Variants in PARP4 observed in about 807,000 individuals in gnomAD.
PARP4 encodes poly(ADP-ribose) polymerase family member 4.
PARP4 carries 120 observed loss-of-function variants against 187.7 expected under a neutral mutation model. That is an observed-to-expected ratio of 0.64 (90% confidence interval 0.55 to 0.74). The LOEUF is 0.74. Ranked by LOEUF, PARP4 falls within the 30% of genes least tolerant of loss-of-function variation. The pLI, the probability that PARP4 is intolerant of heterozygous loss-of-function variation, is 0.00. For synonymous variants in PARP4, 654 were observed against 740.9 expected (o/e 0.88, Z 1.90); for missense variants, 1,836 against 2,070.5 (o/e 0.89, Z 2.20).
In PARP4 at chr13:24,468,823, G is replaced by A. The variant is rs182312801; in HGVS notation, c.2133+201C>T. On this transcript the variant is annotated intron_variant, in intron 17 of 33. Coordinates refer to ENST00000381989, the MANE Select transcript of PARP4 (RefSeq NM_006437.4). The stretch of plus-strand genomic sequence containing the variant: ...CAGGCCTAGCTCTTCTTGTTTGTCT[G>A]GAACTACTGATGCTGTTTCCTCCTT... Among the ~76,000 whole-genome samples the A allele has an allele frequency of 1.4e-4, 22 of 152,276 alleles. 1 individual carries two copies. The highest frequency in any genetic ancestry group is 1.2e-3 in the Admixed American group (19 of 15,286).
At position 24,478,113 on chromosome 13, in the gene PARP4, A is replaced by G. The variant is rs1248665514; in HGVS notation, c.1612T>C (p.Ser538Pro). 1.9e-6 allele frequency: 3 copies of G among 1,604,798 alleles called. No homozygotes were observed. Residue 538 changes from serine (S) to proline (P), a missense_variant, in exon 13 of 34, where the codon TCT becomes CCT. Ser to Pro is a moderately conservative substitution (Grantham distance 74). This residue lies in a region of PARP4 where 1,147 missense variants were observed against 1,214.2 expected (regional missense o/e 0.94). Coordinates refer to ENST00000381989, the MANE Select transcript of PARP4 (RefSeq NM_006437.4). The part of the protein sequence containing the change: ...DSVHGVSQTA[S>P]VTTDFEDDEF... The stretch of plus-strand genomic sequence containing the variant: ...AATACCTCAAAGTCTGTGGTGACAG[A>G]GGCTGTTTGCGAAACTCCATGCACA...
chr13:24,510,723 TAC>T (rs1593665715), intron 1 of PARP4, among the ~76,000 whole-genome samples: 1 of 144,026 alleles, frequency 6.9e-6, no homozygotes, highest in East Asian at 2.0e-4. Flanking sequence ...AAAATTGTGG[TAC>T]AGTTTTTAAA....
intron 29 of PARP4, among the ~76,000 whole-genome samples, chr13:24,442,276 T>A (rs1474392897): frequency 6.6e-6 from 1 of 152,078 alleles, no homozygotes; most frequent in African/African-American, 2.4e-5. Flanking sequence ...GGTCTTGGAT[T>A]AATAAAAGAC....
Position 24,441,864 on chromosome 13 carries a change from T to C in PARP4, c.3648A>G (p.Gln1216=), listed in dbSNP as rs761868507. Residue 1216 remains glutamine, a synonymous_variant, in exon 30 of 34, where the codon CAA becomes CAG. Transcript: ENST00000381989. Reference sequence around the variant, plus strand: ...CATTTACCTGGTTCCTGACGGCTTCTTGGGGCTCCCCCTGCCAGCTCATGT... The same window carrying C: ...CATTTACCTGGTTCCTGACGGCTTCCTGGGGCTCCCCCTGCCAGCTCATGT... ...LPYMSWQGEP[Q]EAVRNQSLLA... The C allele has an allele frequency of 5.0e-6, 8 of 1,599,318 alleles. No homozygotes were observed. Among genetic ancestry groups the C allele is most frequent in the East Asian group, 4.5e-5 (2 of 44,572 alleles).
intron 24 of PARP4, among the ~76,000 whole-genome samples, chr13:24,450,221 A>T (rs777022103): frequency 2.0e-5 from 3 of 152,110 alleles, no homozygotes; most frequent in Non-Finnish European, 4.4e-5. Context: ...AATAAAGTCT[A>T]CCTCTTGAAA....
chr13:24,481,826 T>C (rs1593635103), intron 12 of PARP4, among the ~76,000 whole-genome samples: 1 of 152,218 alleles, frequency 6.6e-6, no homozygotes, highest in African/African-American at 2.4e-5. Context: ...TGCATCTTAC[T>C]GTACTCTCAC....
Position 24,443,642 on chromosome 13 carries a change from G to A in PARP4, c.3447+8C>T. The A allele has an allele frequency of 6.3e-7, 1 of 1,580,398 alleles. No homozygotes were observed. Among genetic ancestry groups the A allele is most frequent in the Non-Finnish European group, 8.7e-7 (1 of 1,150,014 alleles). On this transcript the variant is annotated splice_region_variant and intron_variant, in intron 28 of 33. Transcript: ENST00000381989. ...TGTCTAATCATTTTTACAATGAAAA[G>A]AACAAACCTCATGACTGGTTTCATT... is the stretch of plus-strand genomic sequence containing the variant.
intron 13 of PARP4, 83 bp from the exon 14 acceptor site, chr13:24,477,940 T>C: frequency 1.7e-6 from 2 of 1,161,608 alleles, no homozygotes; most frequent in Non-Finnish European, 2.4e-6. Flanking sequence ...TAAAAGCATG[T>C]TTGCTAATTT....
chr13:24,463,745 GA>G (rs937693636), intron 17 of PARP4, among the ~76,000 whole-genome samples: 57 of 152,198 alleles, frequency 3.7e-4, no homozygotes, highest in African/African-American at 1.2e-3. Flanking sequence ...ACAAGACAAG[GA>G]TGCCCTCTCT....
intron 33 of PARP4, among the ~76,000 whole-genome samples, chr13:24,422,496 G>T (rs1869794817): frequency 1.3e-5 from 2 of 152,148 alleles, no homozygotes; most frequent in South Asian, 4.1e-4. Flanking sequence ...CCGCTAGCAA[G>T]AAAATCTTGT....
At chr13:24,475,687 C>A (rs936378801) in intron 14 of PARP4, 91 bp from the exon 15 acceptor site, 2 of 1,272,228 alleles carry the variant, frequency 1.6e-6, no homozygotes, top group Non-Finnish European at 2.2e-6. Context: ...AGCCTTCATG[C>A]ATTTTATTTT....
At chr13:24,501,610 A>C (rs1869286508) in intron 3 of PARP4, 23 bp downstream of exon 3, 1 of 1,551,490 alleles carries the variant, frequency 6.4e-7, no homozygotes, top group East Asian at 2.2e-5. Context: ...TGATACGTTA[A>C]ATGCTTGCTA....
intron 24 of PARP4, among the ~76,000 whole-genome samples, chr13:24,451,171 G>T (rs755481905): frequency 3.3e-5 from 5 of 152,210 alleles, no homozygotes; most frequent in Non-Finnish European, 5.9e-5. Context: ...CAGTACCTCT[G>T]CCCTGTGGTG....
rs748211325 is a variant in PARP4, at chr13:24,483,934, G to A, written c.1448+719C>T. Among the ~76,000 whole-genome samples, 9 of 152,088 alleles carry A rather than the reference G, an allele frequency of 5.9e-5. No individual in the cohort carries two copies. The East Asian group carries it at 1.2e-3, about 20-fold the overall frequency. ...GAGCTACTGCGCCTGGCCCCAGCTC[G>A]TCTTCTTTGCTATTAGGTTTCTATT... On this transcript the variant is annotated intron_variant, in intron 12 of 33. Coordinates refer to ENST00000381989, the MANE Select transcript of PARP4 (RefSeq NM_006437.4).
chr13:24,486,040 A>G, intron 11 of PARP4, 128 bp downstream of exon 11: 3 of 734,716 alleles, frequency 4.1e-6, no homozygotes, highest in Non-Finnish European at 6.7e-6. Flanking sequence ...TTTCTCCAGA[A>G]TGCAGTAAGC....
Position 24,510,256 on chromosome 13 carries a change from TA to T in PARP4, c.-2+2449del, listed in dbSNP as rs542258684. On this transcript the variant is annotated intron_variant, in intron 1 of 33. Transcript: ENST00000381989. ...CCAAGTCATCAGATACTTGGTTACT[TA>T]AAAGTGTTCACTATTGGCCGGGCGC... 5.0e-4 allele frequency among the ~76,000 whole-genome samples: 76 copies of T among 152,278 alleles called. 2 individuals carry two copies. Among genetic ancestry groups the T allele is most frequent in the African/African-American group, 1.7e-3 (70 of 41,562 alleles).
intron 12 of PARP4, among the ~76,000 whole-genome samples, chr13:24,479,426 G>A (rs114705125): frequency 0.011 from 1,629 of 152,196 alleles, 39 homozygotes; most frequent in African/African-American, 0.036. Flanking sequence ...TGGCAAAGGG[G>A]GCCCAGCTGG....
intron 32 of PARP4, among the ~76,000 whole-genome samples, chr13:24,427,287 A>G (rs1870106408): frequency 6.6e-6 from 1 of 152,204 alleles, no homozygotes; most frequent in African/African-American, 2.4e-5. Flanking sequence ...TTACTATATT[A>G]TGAAATATCA....
Position 24,486,163 on chromosome 13 carries a change from C to T in PARP4, c.1352+5G>A, listed in dbSNP as rs184195631. ...TTTTTGAAAAATAAAGATGGCTACT[C>T]TTACCGACACAAGATTCCCACGATG... On this transcript the variant is annotated splice_donor_5th_base_variant and intron_variant, in intron 11 of 33. Transcript: ENST00000381989. 447 of 1,607,450 alleles carry T rather than the reference C, an allele frequency of 2.8e-4. 1 individual carries two copies. In the East Asian group the frequency reaches 9.8e-3, roughly 35 times the overall value.
Sources: gnomAD v4.1 joint callset for allele counts (sites outside exome capture counted in the v4.1 genomes callset) on GRCh38, gnomAD v4.1.1 for gene constraint, gnomAD v4.1.1 regional missense constraint, MANE v1.5 for transcripts, NCBI Gene and HGNC (gene_info 2026-07-23, HGNC 2026-07-21) for gene names.